The following KIF26B variants were observed in gnomAD, a reference collection of about 807,000 sequenced individuals.
KIF26B encodes the protein kinesin family member 26B.
In KIF26B, 63 loss-of-function variants were observed where a neutral mutation model predicts 151.2. The ratio of observed to expected loss-of-function variants is 0.42; its 90% confidence interval spans 0.34 to 0.51. KIF26B has a LOEUF of 0.51. Among genes scored for constraint, KIF26B ranks in the 20% least tolerant of loss-of-function variants. The pLI is 0.07. For synonymous variants in KIF26B, 1,357 were observed against 1,262.1 expected (o/e 1.08, Z -1.59); for missense variants, 2,813 against 2,913.6 (o/e 0.97, Z 0.79).
chr1:245,259,566 T>G (rs1339676898), intron 2 of KIF26B, among the ~76,000 whole-genome samples: 1 of 152,124 alleles, frequency 6.6e-6, no homozygotes, highest in Non-Finnish European at 1.5e-5. Flanking sequence ...AAAGCAAACT[T>G]CACCCACTGA....
intron 4 of KIF26B, among the ~76,000 whole-genome samples, chr1:245,465,695 AC>A (rs1368629975): frequency 6.6e-6 from 1 of 152,106 alleles, no homozygotes; most frequent in Admixed American, 6.5e-5. Flanking sequence ...TTTGGAAAGG[AC>A]TGTTTACAAA....
rs75143405 is a variant in KIF26B at position 245,515,852 on chromosome 1, G to A, written c.1167-24915G>A. Among the ~76,000 whole-genome samples, 1,455 of 152,284 alleles carry A rather than the reference G, an allele frequency of 9.6e-3. 26 individuals are homozygous for A. Among genetic ancestry groups the A allele is most frequent in the African/African-American group, 0.034 (1,403 of 41,552 alleles). On this transcript the variant is annotated intron_variant, in intron 4 of 14. Coordinates refer to ENST00000407071, the MANE Select transcript of KIF26B (RefSeq NM_018012.4). ...GCTCTGTAACTCGGCTTGTCCCAGGGTATGAATGAGGGAGTTCAGATCCCT... is the reference window on the plus strand; with the variant it reads ...GCTCTGTAACTCGGCTTGTCCCAGGATATGAATGAGGGAGTTCAGATCCCT...
At chr1:245,214,949 G>A (rs1483384318) in intron 2 of KIF26B, among the ~76,000 whole-genome samples, 2 of 152,100 alleles carry the variant, frequency 1.3e-5, no homozygotes, top group Admixed American at 1.3e-4. Context: ...GAAGAGGGAG[G>A]CATCTTGGGA....
At chr1:245,677,811 G>A (rs1473576314) in intron 10 of KIF26B, among the ~76,000 whole-genome samples, 1 of 152,234 alleles carries the variant, frequency 6.6e-6, no homozygotes, top group Non-Finnish European at 1.5e-5. Context: ...CCCTTTTGGA[G>A]GTATGTGTTT....
At chr1:245,598,811 ACAGGG>A (rs992509530) in intron 5 of KIF26B, among the ~76,000 whole-genome samples, 5 of 152,150 alleles carry the variant, frequency 3.3e-5, no homozygotes, top group African/African-American at 1.2e-4. Context: ...GAATAAACAA[ACAGGG>A]CAGAGCGAGG....
intron 9 of KIF26B, among the ~76,000 whole-genome samples, chr1:245,640,385 C>T (rs1033588887): frequency 1.3e-4 from 20 of 151,366 alleles, no homozygotes; most frequent in Admixed American, 3.3e-4. Context: ...CATCCCTTCA[C>T]TGTTAGTCTA....
intron 9 of KIF26B, among the ~76,000 whole-genome samples, chr1:245,628,423 G>A (rs1187591616): frequency 6.6e-6 from 1 of 152,222 alleles, no homozygotes; most frequent in Non-Finnish European, 1.5e-5. Flanking sequence ...AGAGATTGCA[G>A]TTAGCCAAGA....
rs202102649 is a variant in KIF26B, at chr1:245,688,287, C to A, written c.5304C>A (p.Gly1768=). 4.8e-3 allele frequency: 7,723 copies of A among 1,596,350 alleles called. 29 individuals are homozygous for A. Among genetic ancestry groups the A allele is most frequent in the Middle Eastern group, 0.017 (104 of 6,052 alleles). Residue 1768 remains glycine, a synonymous_variant, in exon 12 of 15, where the codon GGC becomes GGA. Transcript: ENST00000407071. ...CCAAGTCCCTGCCGCAGGCGGTGGG[C>A]CAGGGCTCCAGCTCGCCCCCCGGTG... is the stretch of plus-strand genomic sequence containing the variant. ...FSTKSLPQAV[G]QGSSSPPGGK... is the part of the protein sequence containing the mutation.
intron 2 of KIF26B, among the ~76,000 whole-genome samples, chr1:245,195,871 G>A (rs11590535): frequency 0.42 from 63,633 of 151,776 alleles, 13,872 homozygotes; most frequent in East Asian, 0.74. Context: ...TGAGGCGACC[G>A]GCAATCATTT....
At chr1:245,641,731 C>CT (rs2043894328) in intron 9 of KIF26B, among the ~76,000 whole-genome samples, 1 of 152,020 alleles carries the variant, frequency 6.6e-6, no homozygotes, top group African/African-American at 2.4e-5. Context: ...TGTGAGCTTT[C>CT]TTGAAGTTCA....
Position 245,708,308 on chromosome 1 carries a change from T to C in KIF26B, c.*5702T>C, listed in dbSNP as rs887243000. On this transcript the variant is annotated 3_prime_UTR_variant, in exon 15 of 15. Transcript: ENST00000407071. ...CTGTCTAGGAGCTGGGGGTAATCAT[T>C]TACAGATGAAGAAACTGAAGTCTAG... 1 of 152,170 alleles carries C rather than the reference T, an allele frequency of 6.6e-6. No homozygotes were observed. The highest frequency in any genetic ancestry group is 1.5e-5 in the Non-Finnish European group (1 of 68,034). 9.4% of individuals were successfully genotyped at this position (152,170 alleles called of 1,614,324 possible).
intron 9 of KIF26B, among the ~76,000 whole-genome samples, chr1:245,645,706 G>A (rs184251086): frequency 1.3e-3 from 198 of 152,226 alleles, no homozygotes; most frequent in Non-Finnish European, 2.6e-3. Flanking sequence ...TCTGTATAAC[G>A]ATCAACCAAA....
Position 245,552,616 on chromosome 1 carries a change from AT to A in KIF26B, c.1350+11682del, listed in dbSNP as rs3038129. 3.6e-3 allele frequency among the ~76,000 whole-genome samples: 504 copies of A among 138,412 alleles called. 2 individuals are homozygous for A. The highest frequency in any genetic ancestry group is 7.0e-3 in the African/African-American group (256 of 36,588). 90.8% of individuals were successfully genotyped at this position (138,412 alleles called of 152,430 possible). On this transcript the variant is annotated intron_variant, in intron 5 of 14. Transcript: ENST00000407071. ...CCTTGCACCTATGTCATCTTCCTGG[AT>A]TTTTTTTTTTTTTTTGAGACAGTCT...
chr1:245,210,612 T>C (rs1301229086), intron 2 of KIF26B, among the ~76,000 whole-genome samples: 2 of 150,942 alleles, frequency 1.3e-5, no homozygotes, highest in Non-Finnish European at 2.9e-5. Flanking sequence ...GTGAAAAAAT[T>C]TGTTTAATGC....
chr1:245,225,755 C>A (rs1413388379), intron 2 of KIF26B, among the ~76,000 whole-genome samples: 1 of 152,136 alleles, frequency 6.6e-6, no homozygotes, highest in African/African-American at 2.4e-5. Context: ...TTACCCTTAG[C>A]AAAACACAAC....
intron 2 of KIF26B, among the ~76,000 whole-genome samples, chr1:245,302,988 C>CAAAAAAAAAA (rs74163037): frequency 1.9e-3 from 67 of 35,754 alleles, no homozygotes; most frequent in African/African-American, 2.0e-3. Context: ...GACTCTGTCT[C>CAAAAAAAAAA]AAAAAAAAAA....
intron 12 of KIF26B, among the ~76,000 whole-genome samples, chr1:245,689,018 C>T (rs2044584934): frequency 6.6e-6 from 1 of 152,080 alleles, no homozygotes; most frequent in South Asian, 2.1e-4. Context: ...TCCCACGGCC[C>T]GGCACCCCGC....
rs61708084 is a variant in KIF26B at position 245,405,625 on chromosome 1, T to TTG, written c.1000-13953_1000-13952insGT. ...GAGTTCTGCTGTCCTATTGATGTTG[T>TTG]TTTTTTTTTTTGTATGCATGAATAA... On this transcript the variant is annotated intron_variant, in intron 3 of 14. Transcript: ENST00000407071. Among the ~76,000 whole-genome samples the TTG allele has an allele frequency of 1.1e-3, 88 of 82,112 alleles. 1 individual carries two copies. In the African/African-American group the frequency reaches 0.017, roughly 16 times the overall value. The allele number at this position is 82,112 out of a possible 152,430, so 53.9% of individuals were successfully genotyped here.
intron 2 of KIF26B, among the ~76,000 whole-genome samples, chr1:245,317,203 G>A (rs968188893): frequency 3.9e-5 from 6 of 152,116 alleles, no homozygotes; most frequent in East Asian, 3.9e-4. Flanking sequence ...TTCTCTTCCC[G>A]GTAGAAGGAA....
Sources: gnomAD v4.1 joint callset for allele counts (sites outside exome capture counted in the v4.1 genomes callset) on GRCh38, gnomAD v4.1.1 for gene constraint, MANE v1.5 for transcripts, NCBI Gene and HGNC (gene_info 2026-07-23, HGNC 2026-07-21) for gene names.